The following METTL25 variants were observed in gnomAD, a reference collection of about 807,000 sequenced individuals.
METTL25 encodes methyltransferase like 25.
A neutral mutation model predicts 71.6 loss-of-function variants in METTL25; 64 were observed. The observed-to-expected ratio is 0.89, with a 90% CI of 0.73 to 1.10. METTL25 has a LOEUF of 1.10. Ranked by LOEUF, METTL25 falls within the 50% of genes least tolerant of loss-of-function variation. METTL25 has a pLI of 0.00. For synonymous variants in METTL25, 287 were observed against 250.3 expected, an observed-to-expected ratio of 1.15 and a Z score of -1.38; for missense variants, 807 against 707.0, an observed-to-expected ratio of 1.14 and a Z score of -1.60.
At chr12:82,411,471 C>T (rs1345525338) in intron 5 of METTL25, among the ~76,000 whole-genome samples, 1 of 151,766 alleles carries the variant, frequency 6.6e-6, no homozygotes, top group Non-Finnish European at 1.5e-5. Flanking sequence ...GTTTTTGTTT[C>T]ATTCCTACCA....
At position 82,409,852 on chromosome 12, in the gene METTL25, A is replaced by G. The variant is rs529397993; in HGVS notation, c.1279+6722A>G. On this transcript the variant is annotated intron_variant, in intron 5 of 11. Transcript: ENST00000248306. ...AATAAAAAACAGTAGAGGGTCACGA[A>G]TCATCTTTTGATGGTGTCTTTCAAT... Among the ~76,000 whole-genome samples, 7 of 152,206 alleles carry G rather than the reference A, an allele frequency of 4.6e-5. No individual in the cohort carries two copies. The South Asian group carries it at 6.2e-4, about 14-fold the overall frequency.
chr12:82,466,749 T>A (rs374487807), intron 9 of METTL25, among the ~76,000 whole-genome samples: 1 of 152,086 alleles, frequency 6.6e-6, no homozygotes, highest in Non-Finnish European at 1.5e-5. Flanking sequence ...TCTAATAATA[T>A]TTGCATTATA....
intron 1 of METTL25, among the ~76,000 whole-genome samples, chr12:82,386,150 C>T (rs1884968947): frequency 6.6e-6 from 1 of 152,132 alleles, no homozygotes; most frequent in Non-Finnish European, 1.5e-5. Context: ...AGGTTATAAC[C>T]TGATTCGTTT....
chr12:82,461,047 G>A (rs1891841024), intron 9 of METTL25, among the ~76,000 whole-genome samples: 1 of 152,142 alleles, frequency 6.6e-6, no homozygotes, highest in South Asian at 2.1e-4. Flanking sequence ...GGAGGCTGAG[G>A]CAGGACAATG....
At chr12:82,449,613 CT>C (rs960147662) in intron 8 of METTL25, among the ~76,000 whole-genome samples, 1 of 151,868 alleles carries the variant, frequency 6.6e-6, no homozygotes, top group Non-Finnish European at 1.5e-5. Flanking sequence ...GCTTTCTTTC[CT>C]CCTTTTCTTC....
At chr12:82,368,189 G>A (rs564879828) in intron 1 of METTL25, among the ~76,000 whole-genome samples, 1 of 152,098 alleles carries the variant, frequency 6.6e-6, no homozygotes, top group African/African-American at 2.4e-5. Context: ...GCATTTAACT[G>A]TAGGGCTCAA....
intron 1 of METTL25, among the ~76,000 whole-genome samples, chr12:82,377,732 A>G (rs1188464118): frequency 1.3e-5 from 2 of 152,224 alleles, no homozygotes; most frequent in African/African-American, 2.4e-5. Flanking sequence ...ACATTGTGTG[A>G]GATGAAGGGT....
chr12:82,375,791 A>G (rs926451912), intron 1 of METTL25, among the ~76,000 whole-genome samples: 4 of 152,218 alleles, frequency 2.6e-5, no homozygotes, highest in African/African-American at 9.6e-5. Context: ...TGTGGTCATT[A>G]ATAGAATTAA....
chr12:82,381,700 C>T (rs1369059602), intron 1 of METTL25, among the ~76,000 whole-genome samples: 1 of 152,168 alleles, frequency 6.6e-6, no homozygotes, highest in Non-Finnish European at 1.5e-5. Flanking sequence ...CTTTAGCTTT[C>T]GGTTAAGCTG....
chr12:82,401,698 T>C (rs563952736), intron 4 of METTL25, among the ~76,000 whole-genome samples: 1 of 152,150 alleles, frequency 6.6e-6, no homozygotes. Flanking sequence ...TTAGTTGGTA[T>C]TATAAAGTAC....
At chr12:82,451,804 T>C (rs536822354) in intron 8 of METTL25, among the ~76,000 whole-genome samples, 1 of 152,262 alleles carries the variant, frequency 6.6e-6, no homozygotes, top group Admixed American at 6.5e-5. Context: ...ATCACAAATA[T>C]TGATAGGGAA....
intron 4 of METTL25, among the ~76,000 whole-genome samples, chr12:82,402,670 A>C (rs1235360466): frequency 6.6e-6 from 1 of 152,198 alleles, no homozygotes; most frequent in Non-Finnish European, 1.5e-5. Context: ...TAAAGTTGAA[A>C]GATTTAATTT....
At chr12:82,387,046 C>A in intron 2 of METTL25, 79 bp downstream of exon 2, 1 of 1,137,994 alleles carries the variant, frequency 8.8e-7, no homozygotes. Flanking sequence ...TGTATCTTTC[C>A]AAAATATTAT....
chr12:82,450,636 C>T (rs1891071657), intron 8 of METTL25, among the ~76,000 whole-genome samples: 1 of 152,130 alleles, frequency 6.6e-6, no homozygotes, highest in South Asian at 2.1e-4. Context: ...AATGTTTTTC[C>T]TGTGATCTGC....
chr12:82,453,957 C>G (rs1051459917), intron 8 of METTL25, among the ~76,000 whole-genome samples: 1 of 152,024 alleles, frequency 6.6e-6, no homozygotes, highest in South Asian at 2.1e-4. Flanking sequence ...CTTCACACCT[C>G]TGTCAAGAAA....
intron 5 of METTL25, among the ~76,000 whole-genome samples, chr12:82,404,364 G>GA (rs905477792): frequency 1.3e-5 from 2 of 148,918 alleles, no homozygotes; most frequent in African/African-American, 4.9e-5. Context: ...AATGAACTTA[G>GA]AAAAAAAAAG....
At chr12:82,418,346 T>G (rs1888169470) in intron 5 of METTL25, among the ~76,000 whole-genome samples, 2 of 152,100 alleles carry the variant, frequency 1.3e-5, no homozygotes, top group Non-Finnish European at 1.5e-5. Flanking sequence ...CAGAGAAATG[T>G]AAAGGCACAT....
At position 82,389,936 on chromosome 12, in the gene METTL25, C is replaced by T. The variant is rs557748288; in HGVS notation, c.531+14C>T. The T allele has an allele frequency of 4.8e-5, 69 of 1,431,204 alleles. No individual in the cohort carries two copies. The highest frequency in any genetic ancestry group is 5.3e-5 in the Non-Finnish European group (54 of 1,020,912). The allele number at this position is 1,431,204 out of a possible 1,614,324, so 88.7% of individuals were successfully genotyped here. Reference sequence around the variant, plus strand: ...GGAATAAAGCAGGTAAGAGTATTTCCGTATGTTTTTAGGTGTTAAAATTAT... The same window carrying T: ...GGAATAAAGCAGGTAAGAGTATTTCTGTATGTTTTTAGGTGTTAAAATTAT... On this transcript the variant is annotated intron_variant, in intron 3 of 11. Coordinates refer to ENST00000248306, the MANE Select transcript of METTL25 (RefSeq NM_032230.3).
At chr12:82,367,632 C>G (rs1232007239) in intron 1 of METTL25, among the ~76,000 whole-genome samples, 2 of 152,168 alleles carry the variant, frequency 1.3e-5, no homozygotes, top group Non-Finnish European at 2.9e-5. Flanking sequence ...ACCTGTTGTT[C>G]TTGCCTTTAG....
Sources: gnomAD v4.1 joint callset for allele counts (sites outside exome capture counted in the v4.1 genomes callset) on GRCh38, gnomAD v4.1.1 for gene constraint, MANE v1.5 for transcripts, NCBI Gene and HGNC (gene_info 2026-07-23, HGNC 2026-07-21) for gene names.